Variants in PRKCI observed in about 807,000 individuals in gnomAD.
PRKCI encodes the protein protein kinase C iota type.
PRKCI carries 43 observed loss-of-function variants against 84.0 expected under a neutral mutation model. The ratio of observed to expected loss-of-function variants is 0.51; its 90% CI spans 0.40 to 0.66. The LOEUF (loss-of-function observed/expected upper bound fraction) is 0.66. Among genes scored for constraint, PRKCI ranks in the 30% least tolerant of loss-of-function variants. The probability of loss-of-function intolerance (pLI) is 0.00; values close to 1 mark genes in which losing one functional copy is unlikely to be tolerated. For synonymous variants in PRKCI, 216 were observed against 234.4 expected (o/e 0.92, Z 0.72); for missense variants, 459 against 745.6 (o/e 0.62, Z 4.48).
intron 7 of PRKCI, among the ~76,000 whole-genome samples, chr3:170,274,526 G>C (rs974812320): frequency 6.6e-6 from 1 of 152,186 alleles, no homozygotes; most frequent in Non-Finnish European, 1.5e-5. Context: ...CAGGAAGATG[G>C]TGTAACTGAA....
chr3:170,269,547 T>C (rs1202517778), intron 5 of PRKCI, among the ~76,000 whole-genome samples: 1 of 152,038 alleles, frequency 6.6e-6, no homozygotes, highest in Non-Finnish European at 1.5e-5. Flanking sequence ...CCTGTAGTCC[T>C]AGCTACTCAG....
chr3:170,281,656 T>G (rs9874611), intron 10 of PRKCI: 8,990 of 478,798 alleles, frequency 0.019, 660 homozygotes, highest in African/African-American at 0.16. Context: ...GGATTGCAAG[T>G]GGTACTACTT....
intron 8 of PRKCI, among the ~76,000 whole-genome samples, chr3:170,279,167 A>G (rs927693508): frequency 6.6e-6 from 1 of 152,150 alleles, no homozygotes; most frequent in Non-Finnish European, 1.5e-5. Context: ...AGCTGGGACT[A>G]CAGTGCACAC....
chr3:170,270,633 T>C, intron 6 of PRKCI, 72 bp downstream of exon 6: 1 of 1,469,904 alleles, frequency 6.8e-7, no homozygotes. Flanking sequence ...AACAGAGTGC[T>C]AAAATAGGGA....
At chr3:170,301,494 A>C (rs1447755831) in intron 17 of PRKCI, among the ~76,000 whole-genome samples, 1 of 152,014 alleles carries the variant, frequency 6.6e-6, no homozygotes, top group Non-Finnish European at 1.5e-5. Context: ...ATCTCTTTCT[A>C]TTGTTCTCAA....
At chr3:170,282,921 A>G (rs1210540380) in intron 11 of PRKCI, among the ~76,000 whole-genome samples, 9 of 151,990 alleles carry the variant, frequency 5.9e-5, no homozygotes, top group Non-Finnish European at 1.2e-4. Context: ...CCTGGCCAAC[A>G]TGGTGAAACC....
At chr3:170,227,439 T>C (rs1732660114) in intron 1 of PRKCI, among the ~76,000 whole-genome samples, 1 of 152,182 alleles carries the variant, frequency 6.6e-6, no homozygotes, top group African/African-American at 2.4e-5. Context: ...TTGAAGTACC[T>C]ATGTAAGGTA....
intron 2 of PRKCI, among the ~76,000 whole-genome samples, chr3:170,245,420 A>G (rs1287445042): frequency 6.6e-6 from 1 of 151,708 alleles, no homozygotes; most frequent in Admixed American, 6.6e-5. Flanking sequence ...CTTCTGGAAA[A>G]CTCACACATC....
At chr3:170,274,006 C>T (rs1734057428) in intron 7 of PRKCI, among the ~76,000 whole-genome samples, 1 of 151,968 alleles carries the variant, frequency 6.6e-6, no homozygotes, top group Non-Finnish European at 1.5e-5. Flanking sequence ...CAACAAATGA[C>T]TATTTTTTCT....
chr3:170,247,827 A>G (rs972207295), intron 2 of PRKCI, among the ~76,000 whole-genome samples: 1 of 152,092 alleles, frequency 6.6e-6, no homozygotes, highest in Non-Finnish European at 1.5e-5. Flanking sequence ...CCTCCCAGAA[A>G]AAGGAAGCAA....
chr3:170,226,957 T>G (rs768491350), intron 1 of PRKCI, among the ~76,000 whole-genome samples: 1 of 151,960 alleles, frequency 6.6e-6, no homozygotes. Flanking sequence ...TGAGAAAATA[T>G]GGAGATAAAA....
At chr3:170,248,567 C>G (rs1427982227) in intron 2 of PRKCI, among the ~76,000 whole-genome samples, 1 of 151,790 alleles carries the variant, frequency 6.6e-6, no homozygotes, top group Non-Finnish European at 1.5e-5. Flanking sequence ...TTGCTTCACG[C>G]TTATGCATTG....
At chr3:170,240,479 C>T (rs1450676096) in intron 2 of PRKCI, among the ~76,000 whole-genome samples, 2 of 152,144 alleles carry the variant, frequency 1.3e-5, no homozygotes, top group Non-Finnish European at 2.9e-5. Context: ...TTAAATTTTT[C>T]ATTAAGGTCT....
chr3:170,265,640 G>A (rs1458256938), intron 4 of PRKCI, among the ~76,000 whole-genome samples: 1 of 146,396 alleles, frequency 6.8e-6, no homozygotes, highest in Non-Finnish European at 1.5e-5. Flanking sequence ...TTTTTGAGAT[G>A]GTCTTGCTCT....
chr3:170,259,923 T>G, intron 2 of PRKCI, 46 bp from the exon 3 acceptor site: 3 of 1,169,876 alleles, frequency 2.6e-6, no homozygotes, highest in Non-Finnish European at 3.7e-6. Flanking sequence ...AATCATCACA[T>G]TTAGGGGTTT....
chr3:170,248,292 G>T (rs1406931194), intron 2 of PRKCI, among the ~76,000 whole-genome samples: 1 of 152,010 alleles, frequency 6.6e-6, no homozygotes, highest in Admixed American at 6.6e-5. Context: ...ACTTTTTGAG[G>T]TCTAATGCCC....
intron 7 of PRKCI, among the ~76,000 whole-genome samples, chr3:170,275,001 C>T (rs1734079085): frequency 6.6e-6 from 1 of 152,110 alleles, no homozygotes; most frequent in African/African-American, 2.4e-5. Flanking sequence ...GGTTGTGATG[C>T]TTGCTCTCTT....
chr3:170,300,358 G>A (rs988224562), intron 17 of PRKCI, among the ~76,000 whole-genome samples: 2 of 152,120 alleles, frequency 1.3e-5, no homozygotes, highest in African/African-American at 4.8e-5. Context: ...ACTCTTGGAA[G>A]ACTCTCCTTT....
chr3:170,236,324 C>T (rs949474097), intron 2 of PRKCI, among the ~76,000 whole-genome samples: 1 of 151,814 alleles, frequency 6.6e-6, no homozygotes, highest in African/African-American at 2.4e-5. Context: ...TGGTCTTGAA[C>T]TCCTGGCCTC....
Sources: allele counts gnomAD v4.1 joint callset (sites outside exome capture counted in the v4.1 genomes callset), GRCh38; gene constraint gnomAD v4.1.1; transcripts MANE v1.5; gene names NCBI Gene and HGNC (gene_info 2026-07-23, HGNC 2026-07-21).